CEP152: variants seen among roughly 807,000 people sequenced by gnomAD.
CEP152 encodes centrosomal protein of 152 kDa.
A neutral mutation model predicts 188.9 loss-of-function variants in CEP152; 132 were observed. The observed-to-expected ratio is 0.70, with a 90% CI of 0.61 to 0.81. The LOEUF (loss-of-function observed/expected upper bound fraction) is 0.81, where lower values mean the gene tolerates loss of function less well. Ranked by LOEUF, CEP152 falls within the 30% of genes least tolerant of loss-of-function variation. CEP152 has a pLI of 0.00. For missense variants in CEP152, 1,914 were observed against 1,969.8 expected (o/e 0.97, Z 0.54); for synonymous variants, 649 against 666.6 (o/e 0.97, Z 0.41).
At position 48,752,409 on chromosome 15, in the gene CEP152, C is replaced by G. The variant is rs755295699; in HGVS notation, c.3406G>C (p.Gly1136Arg). 7.4e-6 allele frequency: 12 copies of G among 1,613,860 alleles called. No homozygotes were observed. The highest frequency in any genetic ancestry group is 1.7e-5 in the Admixed American group (1 of 60,004). Residue 1136 changes from glycine (G) to arginine (R), a missense_variant, in exon 21 of 27, where the codon GGA (glycine) becomes CGA (arginine). Coordinates refer to ENST00000380950, the MANE Select transcript of CEP152 (RefSeq NM_001194998.2). The part of the protein sequence containing the change: ...ASQGTGQGDP[G>R]PAAGHHAQPL... ...TGAGCATGGTGTCCAGCAGCAGGTC[C>G]AGGGTCTCCTTGGCCAGTGCCCTGG...
intron 12 of CEP152, among the ~76,000 whole-genome samples, chr15:48,779,926 T>A (rs1896141375): frequency 6.6e-6 from 1 of 152,264 alleles, no homozygotes; most frequent in Admixed American, 6.5e-5. Flanking sequence ...GACATTTTGA[T>A]GTGGATCAAA....
chr15:48,743,761 G>T (rs906501507), intron 24 of CEP152, among the ~76,000 whole-genome samples: 2 of 152,146 alleles, frequency 1.3e-5, no homozygotes, highest in African/African-American at 2.4e-5. Flanking sequence ...TACTCAGGAG[G>T]CTGAGGCTGG....
chr15:48,748,363 T>G (rs1324561727), intron 22 of CEP152, 80 bp downstream of exon 22: 3 of 1,423,400 alleles, frequency 2.1e-6, no homozygotes, highest in Non-Finnish European at 1.8e-6. Context: ...GTGCACACAT[T>G]AACTAAAATG....
At chr15:48,788,326 CTTTTT>C (rs538514112) in intron 9 of CEP152, among the ~76,000 whole-genome samples, 6 of 97,062 alleles carry the variant, frequency 6.2e-5, no homozygotes, top group Admixed American at 1.2e-4. Flanking sequence ...TCACTGGCTT[CTTTTT>C]TTTTTTTTTT....
downstream of CEP152, among the ~76,000 whole-genome samples, chr15:48,735,560 C>T (rs1226062443): frequency 2.0e-5 from 3 of 152,062 alleles, no homozygotes; most frequent in Admixed American, 6.5e-5. Context: ...TATGGTGAAA[C>T]GATGTCTCTA....
chr15:48,810,190 T>C (rs145066144), intron 1 of CEP152: 1,668 of 152,334 alleles, frequency 0.011, 18 homozygotes, highest in African/African-American at 0.034. Context: ...TTCTAAGAAC[T>C]GCACTTGGAG....
chr15:48,772,699 A>G lies in CEP152; in HGVS notation c.1578-8T>C. ...TCTTCTTCTTGTACAATGCTAATGG[A>G]GAAATTGTGATTTTTAACATTAAAT... On this transcript the variant is annotated splice_polypyrimidine_tract_variant and splice_region_variant and intron_variant, in intron 12 of 26. Coordinates refer to ENST00000380950, the MANE Select transcript of CEP152 (RefSeq NM_001194998.2). The G allele has an allele frequency of 6.2e-7, 1 of 1,609,686 alleles. No homozygotes were observed. Among genetic ancestry groups the G allele is most frequent in the Non-Finnish European group, 8.5e-7 (1 of 1,176,200 alleles).
At chr15:48,745,189 T>C (rs1035698937) in intron 22 of CEP152, among the ~76,000 whole-genome samples, 197 bp from the exon 23 acceptor site, 1 of 151,534 alleles carries the variant, frequency 6.6e-6, no homozygotes, top group Non-Finnish European at 1.5e-5. Context: ...CTGTATCCCA[T>C]CTTCTTCTTG....
chr15:48,810,501 C>T (rs1394493623), intron 1 of CEP152: 1 of 152,282 alleles, frequency 6.6e-6, no homozygotes, highest in Non-Finnish European at 1.5e-5. Flanking sequence ...TAAGCATCCA[C>T]AGGCTGAGCG....
At position 48,797,453 on chromosome 15, in the gene CEP152, T is replaced by G. The variant is rs1441075370; in HGVS notation, c.388A>C (p.Ser130Arg). The G allele has an allele frequency of 1.2e-6, 2 of 1,614,152 alleles. No individual in the cohort carries two copies. Among genetic ancestry groups the G allele is most frequent in the Non-Finnish European group, 1.7e-6 (2 of 1,179,998 alleles). ...CATTTACTTGGAGGACTATAACCAC[T>G]TCCACCTTCATCTCCACCTTCTTCA... Reference protein sequence around the residue: ...HPEEGGDEGGSGYSPPSKCEQ... With the variant: ...HPEEGGDEGGRGYSPPSKCEQ... Residue 130 changes from serine to arginine, a missense_variant, in exon 5 of 27, where the codon AGT becomes CGT. By Grantham distance (110) the Ser-to-Arg change is moderately radical (BLOSUM62 -1). Transcript: ENST00000380950.
At chr15:48,760,364 T>C in intron 18 of CEP152, 98 bp from the exon 19 acceptor site, 1 of 1,383,280 alleles carries the variant, frequency 7.2e-7, no homozygotes, top group South Asian at 1.2e-5. Flanking sequence ...TTTTATACTG[T>C]ATATCACTAC....
chr15:48,806,501 T>C (rs769008634), intron 1 of CEP152, among the ~76,000 whole-genome samples: 3 of 152,266 alleles, frequency 2.0e-5, no homozygotes, highest in Non-Finnish European at 4.4e-5. Flanking sequence ...ATCAATTACC[T>C]GGCCTAACAC....
At chr15:48,729,997 C>A (rs561758063) in intron 2 of CEP152, among the ~76,000 whole-genome samples, 8 of 151,392 alleles carry the variant, frequency 5.3e-5, no homozygotes, top group Non-Finnish European at 7.4e-5. Flanking sequence ...CCCCACCGGC[C>A]CCCCCCAAAA....
chr15:48,774,872 T>C (rs1322194727), intron 12 of CEP152, among the ~76,000 whole-genome samples: 1 of 152,162 alleles, frequency 6.6e-6, no homozygotes, highest in Non-Finnish European at 1.5e-5. Context: ...GTAGCTATTA[T>C]ATCTCTGCTT....
At position 48,797,967 on chromosome 15, in the gene CEP152, C is replaced by T. The variant is rs755782063; in HGVS notation, c.172G>A (p.Glu58Lys). The T allele has an allele frequency of 1.2e-5, 20 of 1,613,786 alleles. No individual in the cohort carries two copies. The highest frequency in any genetic ancestry group is 6.7e-5 in the African/African-American group (5 of 74,916). Reference protein sequence around the residue: ...SPELQYSDCSEDGTDGQPHHP... With the variant: ...SPELQYSDCSKDGTDGQPHHP... ...GCTTACTGTCCGTCTGTGCCATCCT[C>T]GCTGCAGTCCGAATACTGGAGCTCT... Residue 58 changes from glutamate to lysine, a missense_variant, in exon 3 of 27, where the codon GAG (glutamate) becomes AAG (lysine). Physicochemically the swap from Glu to Lys is moderately conservative, Grantham distance 56. Coordinates refer to ENST00000380950, the MANE Select transcript of CEP152 (RefSeq NM_001194998.2).
chr15:48,756,451 A>G lies in CEP152; in HGVS notation c.2797T>C (p.Ser933Pro), dbSNP rs981603987. 6.2e-7 allele frequency: 1 copy of G among 1,613,686 alleles called. No individual in the cohort carries two copies. Among genetic ancestry groups the G allele is most frequent in the African/African-American group, 1.3e-5 (1 of 74,910 alleles). ...PGKELEEKIH[S>P]LQKELELKNE... ...TTTAACTCAAGTTCCTTCTGAAGAG[A>G]ATGAATCTTCTCTTCCAATTCCTTT... The change falls in exon 20 of 27, where the codon TCT becomes CCT. Residue 933 changes from serine (S) to proline (P), a missense_variant. Physicochemically the swap from Ser to Pro is moderately conservative, Grantham distance 74. Transcript: ENST00000380950.
At chr15:48,793,799 CACTA>C (rs1365024897) in intron 6 of CEP152, among the ~76,000 whole-genome samples, 1 of 152,168 alleles carries the variant, frequency 6.6e-6, no homozygotes, top group Non-Finnish European at 1.5e-5. Context: ...AACCCTGAAT[CACTA>C]ACTACCATTT....
chr15:48,780,442 T>C (rs965259543), intron 12 of CEP152, among the ~76,000 whole-genome samples: 1 of 152,246 alleles, frequency 6.6e-6, no homozygotes, highest in African/African-American at 2.4e-5. Context: ...AGGACATTTA[T>C]ATATTTGTAT....
intron 9 of CEP152, among the ~76,000 whole-genome samples, chr15:48,788,494 C>T (rs946584885): frequency 5.3e-5 from 8 of 151,478 alleles, no homozygotes; most frequent in Admixed American, 4.6e-4. Context: ...CCACTGCGCC[C>T]GGCTAATTTT....
Sources: allele counts gnomAD v4.1 joint callset (sites outside exome capture counted in the v4.1 genomes callset), GRCh38; gene constraint gnomAD v4.1.1; transcripts MANE v1.5; gene names NCBI Gene and HGNC (gene_info 2026-07-23, HGNC 2026-07-21).